The following FMNL2 variants were observed in gnomAD, a reference collection of about 807,000 sequenced individuals.
The protein encoded by FMNL2 is formin like 2, also known as formin-like protein 2.
In FMNL2, 51 loss-of-function variants were observed where a neutral mutation model predicts 130.2. That is an observed-to-expected ratio of 0.39 (90% CI 0.31 to 0.49). The LOEUF is 0.49. FMNL2 is among the 20% of genes least tolerant of loss of function. The probability of loss-of-function intolerance (pLI) is 0.85; values close to 1 mark genes in which losing one functional copy is unlikely to be tolerated. For synonymous variants in FMNL2, 465 were observed against 467.1 expected, an observed-to-expected ratio of 1.00 and a Z score of 0.06; for missense variants, 977 against 1,316.2, an observed-to-expected ratio of 0.74 and a Z score of 3.99.
At chr2:152,401,898 CTTTTTTTTTTTTTT>C (rs70974858) in intron 1 of FMNL2, among the ~76,000 whole-genome samples, 1 of 78,556 alleles carries the variant, frequency 1.3e-5, no homozygotes, top group Non-Finnish European at 2.2e-5. Flanking sequence ...TGTGTTTAAT[CTTTTTTTTTTTTTT>C]TTTTTTTTTT....
intron 1 of FMNL2, among the ~76,000 whole-genome samples, chr2:152,392,583 G>A (rs1382890367): frequency 2.6e-5 from 4 of 152,156 alleles, no homozygotes; most frequent in Non-Finnish European, 5.9e-5. Context: ...TCTGGCAGAA[G>A]GCATAAGTGC....
intron 1 of FMNL2, chr2:152,390,170 C>T (rs1685023791): frequency 2.3e-6 from 3 of 1,281,674 alleles, no homozygotes; most frequent in Non-Finnish European, 3.4e-6. Flanking sequence ...GGACCCAGAG[C>T]CTGTCGGAGC....
chr2:152,388,597 C>G (rs1166339848), intron 1 of FMNL2, among the ~76,000 whole-genome samples: 1 of 152,088 alleles, frequency 6.6e-6, no homozygotes. Flanking sequence ...TGGGTGGGGA[C>G]ACAGCCAAAC....
At chr2:152,480,814 T>A (rs1308983165) in intron 1 of FMNL2, among the ~76,000 whole-genome samples, 1 of 151,978 alleles carries the variant, frequency 6.6e-6, no homozygotes, top group Non-Finnish European at 1.5e-5. Flanking sequence ...CAGTAAAAAA[T>A]GTATCACCAG....
At chr2:152,385,173 A>G (rs1684709640) in intron 1 of FMNL2, among the ~76,000 whole-genome samples, 1 of 152,238 alleles carries the variant, frequency 6.6e-6, no homozygotes, top group Non-Finnish European at 1.5e-5. Context: ...CCCTTGAACC[A>G]TGAAGCAACT....
intron 25 of FMNL2, chr2:152,643,971 TG>T (rs1370146563): frequency 1.2e-6 from 1 of 844,092 alleles, no homozygotes; most frequent in Non-Finnish European, 1.4e-6. Context: ...GGCACACGCC[TG>T]TAATTCCAGT....
At chr2:152,454,381 T>C (rs1042827749) in intron 1 of FMNL2, among the ~76,000 whole-genome samples, 1 of 152,210 alleles carries the variant, frequency 6.6e-6, no homozygotes, top group Non-Finnish European at 1.5e-5. Context: ...TTATTTTTTC[T>C]CTTGTATTAA....
chr2:152,632,211 T>A, intron 21 of FMNL2, 74 bp downstream of exon 21: 3 of 1,540,414 alleles, frequency 1.9e-6, no homozygotes, highest in South Asian at 2.6e-5. Flanking sequence ...ATTCCCTGCT[T>A]AAACACTTTT....
At chr2:152,343,555 C>T (rs1198281969) in intron 1 of FMNL2, among the ~76,000 whole-genome samples, 1 of 86,830 alleles carries the variant, frequency 1.2e-5, no homozygotes, top group African/African-American at 3.4e-5. Context: ...CTTGACATCT[C>T]AAAGTGCTGG....
intron 1 of FMNL2, among the ~76,000 whole-genome samples, chr2:152,414,473 C>T (rs1448477704): frequency 6.6e-6 from 1 of 152,162 alleles, no homozygotes; most frequent in Non-Finnish European, 1.5e-5. Context: ...AAGGGGACAT[C>T]CTCACCGCTG....
At chr2:152,562,961 G>A (rs1449995470) in intron 6 of FMNL2, among the ~76,000 whole-genome samples, 6 of 152,176 alleles carry the variant, frequency 3.9e-5, no homozygotes, top group African/African-American at 1.4e-4. Context: ...GTAAGGATTT[G>A]TTTTTCTGGT....
chr2:152,389,260 C>A (rs1417683530), intron 1 of FMNL2, among the ~76,000 whole-genome samples: 1 of 152,176 alleles, frequency 6.6e-6, no homozygotes, highest in Admixed American at 6.5e-5. Flanking sequence ...ATCAAGGCAT[C>A]AGCAAATTTG....
In FMNL2 at chr2:152,584,566, C is replaced by T. The variant is rs143850878; in HGVS notation, c.876+3517C>T. Among the ~76,000 whole-genome samples the T allele has an allele frequency of 3.6e-3, 550 of 152,238 alleles. 4 individuals carry two copies. The highest frequency in any genetic ancestry group is 0.013 in the African/African-American group (532 of 41,530). ...TGATCACTGTTAGAGCATAGCCAAG[C>T]GTACTAACGCAATATGGAACCAGAT... On this transcript the variant is annotated intron_variant, in intron 9 of 25. Coordinates refer to ENST00000288670, the MANE Select transcript of FMNL2 (RefSeq NM_052905.4).
intron 1 of FMNL2, among the ~76,000 whole-genome samples, chr2:152,429,183 G>C (rs1400467451): frequency 1.7e-5 from 2 of 118,946 alleles, no homozygotes; most frequent in Non-Finnish European, 3.6e-5. Context: ...ACTTAAAATA[G>C]AAGTTGGAAA....
chr2:152,416,762 G>A (rs947340938), intron 1 of FMNL2, among the ~76,000 whole-genome samples: 1 of 152,218 alleles, frequency 6.6e-6, no homozygotes, highest in South Asian at 2.1e-4. Flanking sequence ...CTATTGGGAT[G>A]TTTTAATTTC....
At position 152,619,684 on chromosome 2, in the gene FMNL2, T is replaced by C. The variant is rs559499024; in HGVS notation, c.1803T>C (p.Ser601=). ...LPSAPPLPGT[S]SPTVVFNSGL... is the part of the protein sequence containing the mutation. ...CTGCACCTCCGCTGCCTGGAACATC[T>C]TCACCCACAGTGGTTTTCAACTCAG... The change falls in exon 15 of 26, where the codon TCT becomes TCC. Residue 601 remains serine (S), a synonymous_variant. Coordinates refer to ENST00000288670, the MANE Select transcript of FMNL2 (RefSeq NM_052905.4). The C allele has an allele frequency of 4.3e-6, 7 of 1,612,034 alleles. No homozygotes were observed. The highest frequency in any genetic ancestry group is 5.1e-6 in the Non-Finnish European group (6 of 1,179,418).
intron 7 of FMNL2, 21 bp downstream of exon 7, chr2:152,575,265 C>A: frequency 3.3e-6 from 5 of 1,493,878 alleles, no homozygotes; most frequent in Non-Finnish European, 4.6e-6. Context: ...GCTTCTGGTT[C>A]TTTTAAAAAA....
chr2:152,458,665 C>T (rs766019683), intron 1 of FMNL2, among the ~76,000 whole-genome samples: 3 of 152,156 alleles, frequency 2.0e-5, no homozygotes, highest in Non-Finnish European at 4.4e-5. Context: ...CTCAGAGACA[C>T]TGATTACATG....
intron 9 of FMNL2, among the ~76,000 whole-genome samples, chr2:152,593,864 T>A (rs62179591): frequency 0.09 from 7,523 of 83,806 alleles, 292 homozygotes; most frequent in East Asian, 0.3. Flanking sequence ...AGAGAGAGTG[T>A]GTGTGTGTGT....
Sources: allele counts gnomAD v4.1 joint callset (sites outside exome capture counted in the v4.1 genomes callset), GRCh38; gene constraint gnomAD v4.1.1; transcripts MANE v1.5; gene names NCBI Gene and HGNC (gene_info 2026-07-23, HGNC 2026-07-21).